The following CSMD3 variants were observed in gnomAD, a reference collection of about 807,000 sequenced individuals.
CSMD3 encodes the protein CUB and Sushi multiple domains 3.
Under a neutral mutation model 435.2 loss-of-function variants are expected in CSMD3, and 177 were observed. The ratio of observed to expected loss-of-function variants is 0.41; its 90% CI spans 0.36 to 0.46. The LOEUF (loss-of-function observed/expected upper bound fraction) is 0.46, where lower values mean the gene tolerates loss of function less well. Ranked by LOEUF, CSMD3 falls within the 20% of genes least tolerant of loss-of-function variation. The pLI, the probability that CSMD3 is intolerant of heterozygous loss-of-function variation, is 0.34. For missense variants in CSMD3, 4,265 were observed against 4,504.6 expected, an observed-to-expected ratio of 0.95 and a Z score of 1.52; for synonymous variants, 1,656 against 1,520.5, an observed-to-expected ratio of 1.09 and a Z score of -2.07.
chr8:112,425,531 T>A (rs1812976947), intron 32 of CSMD3, among the ~76,000 whole-genome samples: 1 of 152,192 alleles, frequency 6.6e-6, no homozygotes, highest in Non-Finnish European at 1.5e-5. Context: ...GGTATTCTTA[T>A]GCATATTTTG....
intron 3 of CSMD3, among the ~76,000 whole-genome samples, chr8:113,181,899 T>C (rs2092426469): frequency 6.6e-6 from 1 of 152,068 alleles, no homozygotes; most frequent in Admixed American, 6.6e-5. Flanking sequence ...GGGACAAGTA[T>C]CTGTATTAAG....
rs1580653 is a variant in CSMD3 at position 112,399,659 on chromosome 8, T to A, written c.5809+6865A>T. ...CTTAGATATTTTCTCAGCCAAATAT[T>A]CAATTTCATTGTTTAAAGTTTTACC... On this transcript the variant is annotated intron_variant, in intron 35 of 70. Coordinates refer to ENST00000297405, the MANE Select transcript of CSMD3 (RefSeq NM_198123.2). Among the ~76,000 whole-genome samples the A allele has an allele frequency of 2.4e-3, 358 of 152,138 alleles. 8 individuals carry two copies. Among genetic ancestry groups the A allele is most frequent in the Admixed American group, 0.016 (241 of 15,278 alleles).
At chr8:112,662,582 C>T (rs1047287000) in intron 17 of CSMD3, among the ~76,000 whole-genome samples, 2 of 152,054 alleles carry the variant, frequency 1.3e-5, no homozygotes, top group Non-Finnish European at 2.9e-5. Context: ...AGAAGAAAAC[C>T]TAGGCAATAC....
chr8:112,479,178 G>A (rs1026478056), intron 31 of CSMD3, among the ~76,000 whole-genome samples: 9 of 152,176 alleles, frequency 5.9e-5, no homozygotes, highest in Non-Finnish European at 1.0e-4. Flanking sequence ...GTGGGGTGTC[G>A]CTGGCCAGAG....
intron 2 of CSMD3, among the ~76,000 whole-genome samples, chr8:113,288,899 G>T (rs1345375368): frequency 9.2e-5 from 14 of 151,774 alleles, no homozygotes; most frequent in Non-Finnish European, 1.3e-4. Flanking sequence ...TTGGGATAAT[G>T]CTTGTAAAAG....
chr8:112,744,579 G>A (rs186691313), intron 13 of CSMD3, among the ~76,000 whole-genome samples: 1 of 152,010 alleles, frequency 6.6e-6, no homozygotes, highest in East Asian at 1.9e-4. Context: ...ATGGAGTACT[G>A]AAAGGGAGAA....
intron 3 of CSMD3, among the ~76,000 whole-genome samples, chr8:113,181,827 G>A (rs2092425448): frequency 6.6e-6 from 1 of 152,008 alleles, no homozygotes; most frequent in African/African-American, 2.4e-5. Flanking sequence ...GCACAGAGTA[G>A]CATTTGATAG....
chr8:113,290,041 A>G (rs1310266602), intron 2 of CSMD3, among the ~76,000 whole-genome samples: 1 of 151,726 alleles, frequency 6.6e-6, no homozygotes, highest in Non-Finnish European at 1.5e-5. Context: ...TCCTCCAGTA[A>G]TTAGAGGGTT....
intron 12 of CSMD3, among the ~76,000 whole-genome samples, chr8:112,817,363 A>C (rs2079403167): frequency 6.6e-6 from 1 of 152,136 alleles, no homozygotes; most frequent in African/African-American, 2.4e-5. Flanking sequence ...CATCACTATT[A>C]GTTCTCTCCA....
At chr8:113,241,327 C>T (rs2093213736) in intron 3 of CSMD3, among the ~76,000 whole-genome samples, 1 of 151,914 alleles carries the variant, frequency 6.6e-6, no homozygotes, top group African/African-American at 2.4e-5. Flanking sequence ...GTTCCATTCA[C>T]GCCTGTGATT....
chr8:113,121,728 T>C (rs890040059), intron 4 of CSMD3, among the ~76,000 whole-genome samples: 24 of 152,156 alleles, frequency 1.6e-4, no homozygotes, highest in Admixed American at 1.3e-3. Context: ...TAGACAGCAT[T>C]CACGTTCCAC....
chr8:113,143,535 T>G (rs1200652719), intron 4 of CSMD3, among the ~76,000 whole-genome samples: 1 of 151,458 alleles, frequency 6.6e-6, no homozygotes, highest in African/African-American at 2.4e-5. Flanking sequence ...TAGCCAAAAC[T>G]GTAAACAGTG....
chr8:113,210,617 C>G (rs1280379140), intron 3 of CSMD3, among the ~76,000 whole-genome samples: 1 of 151,994 alleles, frequency 6.6e-6, no homozygotes, highest in Non-Finnish European at 1.5e-5. Context: ...GTGGCTTAGA[C>G]CTGTAATCAC....
chr8:112,975,285 A>G (rs1031133297), intron 7 of CSMD3, among the ~76,000 whole-genome samples: 10 of 152,094 alleles, frequency 6.6e-5, no homozygotes, highest in Non-Finnish European at 1.3e-4. Flanking sequence ...AAATCTTTCA[A>G]TGCAATCATA....
intron 32 of CSMD3, among the ~76,000 whole-genome samples, chr8:112,447,030 TA>T (rs1346549093): frequency 6.6e-6 from 1 of 151,432 alleles, no homozygotes; most frequent in African/African-American, 2.4e-5. Flanking sequence ...GGGAACCAAT[TA>T]TTTTAAAGAG....
At chr8:112,499,750 A>G (rs896560190) in intron 30 of CSMD3, among the ~76,000 whole-genome samples, 5 of 152,334 alleles carry the variant, frequency 3.3e-5, no homozygotes, top group East Asian at 1.9e-4. Context: ...ATCTGTACAT[A>G]TCAAAATGTT....
chr8:112,255,674 A>G (rs758411231), intron 61 of CSMD3: 1 of 495,990 alleles, frequency 2.0e-6, no homozygotes, highest in Non-Finnish European at 3.6e-6. Context: ...ACCTTAATAA[A>G]GAAAGAATTT....
chr8:113,244,732 C>T (rs2093257819), intron 3 of CSMD3, among the ~76,000 whole-genome samples: 1 of 152,078 alleles, frequency 6.6e-6, no homozygotes, highest in Admixed American at 6.6e-5. Flanking sequence ...TTGTTTTGAC[C>T]ATAAATATAA....
intron 32 of CSMD3, among the ~76,000 whole-genome samples, chr8:112,424,926 G>A (rs1216585435): frequency 2.0e-5 from 3 of 152,142 alleles, no homozygotes; most frequent in African/African-American, 7.2e-5. Context: ...TCTCGACCTT[G>A]CGGTCTGCCC....
Sources: gnomAD v4.1 joint callset for allele counts (sites outside exome capture counted in the v4.1 genomes callset) on GRCh38, gnomAD v4.1.1 for gene constraint, MANE v1.5 for transcripts, NCBI Gene and HGNC (gene_info 2026-07-23, HGNC 2026-07-21) for gene names.